PARD3B: variants seen among roughly 807,000 people sequenced by gnomAD.
The protein encoded by PARD3B is par-3 family cell polarity regulator beta.
Under a neutral mutation model 130.2 loss-of-function variants are expected in PARD3B, and 103 were observed. That is an observed-to-expected ratio of 0.79 (90% CI 0.67 to 0.93). PARD3B has a LOEUF of 0.93. PARD3B is among the 40% of genes least tolerant of loss of function. The probability of loss-of-function intolerance (pLI) is 0.00; values close to 1 mark genes in which losing one functional copy is unlikely to be tolerated. For missense variants in PARD3B, 1,609 were observed against 1,499.2 expected, an observed-to-expected ratio of 1.07 and a Z score of -1.21; for synonymous variants, 583 against 553.2, an observed-to-expected ratio of 1.05 and a Z score of -0.76.
At chr2:205,308,935 C>T (rs960365844) in intron 18 of PARD3B, among the ~76,000 whole-genome samples, 2 of 152,268 alleles carry the variant, frequency 1.3e-5, no homozygotes, top group South Asian at 2.1e-4. Context: ...GTCATCCCAC[C>T]CTTGGTGACG....
At chr2:204,893,597 A>C (rs1230255504) in intron 2 of PARD3B, among the ~76,000 whole-genome samples, 2 of 152,226 alleles carry the variant, frequency 1.3e-5, no homozygotes, top group Non-Finnish European at 2.9e-5. Context: ...GATACAGCAC[A>C]AATTAATTTT....
intron 15 of PARD3B, among the ~76,000 whole-genome samples, chr2:205,225,537 C>T (rs2038497423): frequency 6.6e-6 from 1 of 152,074 alleles, no homozygotes; most frequent in Non-Finnish European, 1.5e-5. Context: ...AGTCTGTTCT[C>T]ACTCACACTG....
chr2:204,940,472 G>C (rs1688812132), intron 2 of PARD3B, among the ~76,000 whole-genome samples: 1 of 143,542 alleles, frequency 7.0e-6, no homozygotes, highest in African/African-American at 2.7e-5. Flanking sequence ...GAAGTAACTT[G>C]AGAGTTTTTT....
chr2:204,712,490 T>A (rs1278524974), intron 2 of PARD3B, among the ~76,000 whole-genome samples: 1 of 151,556 alleles, frequency 6.6e-6, no homozygotes, highest in Admixed American at 6.6e-5. Context: ...AGGCCAGGCC[T>A]ATAATCCCAG....
chr2:205,439,943 T>A (rs1411145013), intron 19 of PARD3B, among the ~76,000 whole-genome samples: 2 of 152,204 alleles, frequency 1.3e-5, no homozygotes, highest in Non-Finnish European at 2.9e-5. Flanking sequence ...TCTAGGGCAC[T>A]AAATTACTGA....
At chr2:204,948,031 A>C (rs954297330) in intron 2 of PARD3B, among the ~76,000 whole-genome samples, 1 of 152,212 alleles carries the variant, frequency 6.6e-6, no homozygotes, top group African/African-American at 2.4e-5. Flanking sequence ...GTTTGCACAT[A>C]CTTTGCTTTC....
At chr2:205,612,228 C>T (rs1212529634) in intron 22 of PARD3B, among the ~76,000 whole-genome samples, 1 of 152,162 alleles carries the variant, frequency 6.6e-6, no homozygotes, top group East Asian at 1.9e-4. Flanking sequence ...TCTCAGCTCA[C>T]TGCAACCTCT....
chr2:204,944,346 A>G (rs944647999), intron 2 of PARD3B, among the ~76,000 whole-genome samples: 19 of 152,276 alleles, frequency 1.2e-4, no homozygotes, highest in African/African-American at 4.3e-4. Flanking sequence ...CCTCCTGTCA[A>G]TGGCTTCTGT....
chr2:205,606,282 C>T (rs1315332249), intron 22 of PARD3B, among the ~76,000 whole-genome samples: 2 of 152,126 alleles, frequency 1.3e-5, no homozygotes, highest in African/African-American at 2.4e-5. Flanking sequence ...ATGGGTTACA[C>T]GGAACCATGG....
At position 204,799,241 on chromosome 2, in the gene PARD3B, C is replaced by A. The variant is rs1321727164; in HGVS notation, c.222+112959C>A. 6.6e-6 allele frequency among the ~76,000 whole-genome samples: 1 copy of A among 152,278 alleles called. No homozygotes were observed. The highest frequency in any genetic ancestry group is 1.9e-4 in the East Asian group (1 of 5,148). On this transcript the variant is annotated intron_variant, in intron 2 of 22. Coordinates refer to ENST00000406610, the MANE Select transcript of PARD3B (RefSeq NM_001302769.2). The surrounding 1 kb of genome is among the most constrained non-coding windows in gnomAD (Gnocchi z 4.1). Reference sequence around the variant, plus strand: ...ATCTGCAGTAGCCAGGCAGTACTTGCCCTGGGCCTGGGTCGCTGGTGGCTG... The same window carrying A: ...ATCTGCAGTAGCCAGGCAGTACTTGACCTGGGCCTGGGTCGCTGGTGGCTG...
chr2:205,178,921 A>G lies in PARD3B; in HGVS notation c.1924+2344A>G, dbSNP rs115516155. Reference sequence around the variant, plus strand: ...TTCTACTTATTTTTTAAAAAAGGTAACTGTAAACAGCCTCAGGCAGTTCCT... The same window carrying G: ...TTCTACTTATTTTTTAAAAAAGGTAGCTGTAAACAGCCTCAGGCAGTTCCT... On this transcript the variant is annotated intron_variant, in intron 13 of 22. Coordinates refer to ENST00000406610, the MANE Select transcript of PARD3B (RefSeq NM_001302769.2). 5.2e-3 allele frequency among the ~76,000 whole-genome samples: 797 copies of G among 152,306 alleles called. 8 individuals carry two copies. The highest frequency in any genetic ancestry group is 0.017 in the African/African-American group (719 of 41,556).
chr2:204,744,331 C>G (rs954972944), intron 2 of PARD3B, among the ~76,000 whole-genome samples: 1 of 152,098 alleles, frequency 6.6e-6, no homozygotes, highest in African/African-American at 2.4e-5. Context: ...AAGGTCAGAT[C>G]TATTCTGATT....
chr2:204,679,957 A>C (rs1177043632), intron 1 of PARD3B, among the ~76,000 whole-genome samples: 1 of 152,008 alleles, frequency 6.6e-6, no homozygotes, highest in African/African-American at 2.4e-5. Flanking sequence ...AATGTTTAAG[A>C]TTTTTACCTA....
In PARD3B at chr2:205,325,991, G is replaced by A. The variant is rs1000642705; in HGVS notation, c.2630+24290G>A. On this transcript the variant is annotated intron_variant, in intron 18 of 22. Coordinates refer to ENST00000406610, the MANE Select transcript of PARD3B (RefSeq NM_001302769.2). This position sits in a 1 kb window ranked among gnomAD's most constrained non-coding sequence, Gnocchi z 4.1. The stretch of plus-strand genomic sequence containing the variant: ...TACTGTTTTATCAAGCTTTAAATCT[G>A]AGGAAATGGAATCTGTGAAAACTGC... Among the ~76,000 whole-genome samples the A allele has an allele frequency of 6.6e-6, 1 of 152,166 alleles. No homozygotes were observed. Among genetic ancestry groups the A allele is most frequent in the Non-Finnish European group, 1.5e-5 (1 of 68,034 alleles).
At chr2:205,388,479 C>T (rs759659721) in intron 18 of PARD3B, among the ~76,000 whole-genome samples, 3 of 152,140 alleles carry the variant, frequency 2.0e-5, no homozygotes, top group South Asian at 2.1e-4. Context: ...CATCACTATG[C>T]GCTAAGCTAC....
At chr2:204,553,077 C>T (rs1166417279) in intron 1 of PARD3B, among the ~76,000 whole-genome samples, 1 of 151,918 alleles carries the variant, frequency 6.6e-6, no homozygotes, top group Non-Finnish European at 1.5e-5. Flanking sequence ...ACCAAACAAT[C>T]CCATCAAAAA....
intron 5 of PARD3B, among the ~76,000 whole-genome samples, chr2:205,104,915 G>A (rs758173933): frequency 6.6e-6 from 1 of 152,114 alleles, no homozygotes; most frequent in Non-Finnish European, 1.5e-5. Flanking sequence ...GTGCTACTTT[G>A]TATTGTGCTT....
chr2:204,599,363 A>G (rs2033419583), intron 1 of PARD3B, among the ~76,000 whole-genome samples: 1 of 151,776 alleles, frequency 6.6e-6, no homozygotes, highest in Non-Finnish European at 1.5e-5. Flanking sequence ...CCCTGCTTCT[A>G]GTATCCTCTG....
rs1042314565 is a variant in PARD3B, at chr2:205,011,491, C to T, written c.395-36090C>T. 3.3e-5 allele frequency among the ~76,000 whole-genome samples: 5 copies of T among 152,162 alleles called. No individual in the cohort carries two copies. Among genetic ancestry groups the T allele is most frequent in the Non-Finnish European group, 5.9e-5 (4 of 68,032 alleles). On this transcript the variant is annotated intron_variant, in intron 3 of 22. Transcript: ENST00000406610. The surrounding 1 kb of genome is among the most constrained non-coding windows in gnomAD (Gnocchi z 4.1). ...AAAGACAGAAGTGCAGTTTTATAACCTAATCTCAGAATGGACATACCAGTA... is the reference window on the plus strand; with the variant it reads ...AAAGACAGAAGTGCAGTTTTATAACTTAATCTCAGAATGGACATACCAGTA...
Sources: allele counts gnomAD v4.1 joint callset (sites outside exome capture counted in the v4.1 genomes callset), GRCh38; gene constraint gnomAD v4.1.1; non-coding constraint Gnocchi (gnomAD v3.1); transcripts MANE v1.5; gene names NCBI Gene and HGNC (gene_info 2026-07-23, HGNC 2026-07-21).